Variants in CNTN4 observed in about 807,000 individuals in gnomAD.
CNTN4 encodes contactin 4, also known as contactin-4.
Under a neutral mutation model 122.5 loss-of-function variants are expected in CNTN4, and 77 were observed. The observed-to-expected ratio is 0.63, with a 90% CI of 0.52 to 0.76. The LOEUF is 0.76. Ranked by LOEUF, CNTN4 falls within the 30% of genes least tolerant of loss-of-function variation. CNTN4 has a pLI of 0.00. For synonymous variants in CNTN4, 512 were observed against 447.0 expected (o/e 1.15, Z -1.83); for missense variants, 1,256 against 1,259.1 (o/e 1.00, Z 0.04).
At position 2,622,593 on chromosome 3, in the gene CNTN4, A is replaced by G. The variant is rs115328961; in HGVS notation, c.55+51035A>G. Reference sequence around the variant, plus strand: ...GCTCAGCTGGACAAGCAAGTTTTGAAGCAGAGGAGTTGTCTGCAAAATCTG... The same window carrying G: ...GCTCAGCTGGACAAGCAAGTTTTGAGGCAGAGGAGTTGTCTGCAAAATCTG... On this transcript the variant is annotated intron_variant, in intron 4 of 24. Transcript: ENST00000418658. Among the ~76,000 whole-genome samples the G allele has an allele frequency of 2.7e-3, 415 of 152,298 alleles. 1 individual carries two copies. Among genetic ancestry groups the G allele is most frequent in the Non-Finnish European group, 5.0e-3 (338 of 68,026 alleles).
At chr3:2,888,685 TG>T (rs1397215335) in intron 10 of CNTN4, among the ~76,000 whole-genome samples, 1 of 152,082 alleles carries the variant, frequency 6.6e-6, no homozygotes, top group Non-Finnish European at 1.5e-5. Flanking sequence ...TATAAATTCA[TG>T]GCTTCTGTGT....
At chr3:2,990,982 G>A (rs912935021) in intron 14 of CNTN4, among the ~76,000 whole-genome samples, 19 of 152,180 alleles carry the variant, frequency 1.2e-4, no homozygotes, top group Admixed American at 5.2e-4. Context: ...ATAAATTTAC[G>A]TAAAGAAGTG....
intron 4 of CNTN4, among the ~76,000 whole-genome samples, chr3:2,669,883 T>C (rs977797493): frequency 6.6e-6 from 1 of 152,222 alleles, no homozygotes; most frequent in African/African-American, 2.4e-5. Flanking sequence ...GTTGTTCAGT[T>C]TCCATGTAGT....
Position 2,178,011 on chromosome 3 carries a change from A to G in CNTN4, c.-145+77372A>G, listed in dbSNP as rs1340026499. On this transcript the variant is annotated intron_variant, in intron 2 of 24. Transcript: ENST00000418658. ...TATTCCTAAATTTGAATACCCTTCA[A>G]GCCCCAGCTCATTTCTCTCTTATTT... 5.3e-5 allele frequency among the ~76,000 whole-genome samples: 8 copies of G among 151,984 alleles called. No individual in the cohort carries two copies. The East Asian group carries it at 1.5e-3, about 29-fold the overall frequency.
At chr3:2,628,059 A>G (rs572040167) in intron 4 of CNTN4, among the ~76,000 whole-genome samples, 34 of 152,296 alleles carry the variant, frequency 2.2e-4, no homozygotes, top group African/African-American at 7.9e-4. Context: ...ACTGGCTTCT[A>G]TAGCTAGACA....
At chr3:2,928,440 C>G (rs895510825) in intron 13 of CNTN4, among the ~76,000 whole-genome samples, 4 of 152,148 alleles carry the variant, frequency 2.6e-5, no homozygotes, top group Non-Finnish European at 5.9e-5. Flanking sequence ...GTAGATGAAA[C>G]TGATGAGTAA....
chr3:2,797,732 C>T (rs749884785), intron 6 of CNTN4, among the ~76,000 whole-genome samples: 1 of 152,166 alleles, frequency 6.6e-6, no homozygotes, highest in Non-Finnish European at 1.5e-5. Context: ...TAGTTTTTAA[C>T]CTTTCACAAC....
intron 2 of CNTN4, among the ~76,000 whole-genome samples, chr3:2,302,178 C>T (rs2042550084): frequency 6.6e-6 from 1 of 152,278 alleles, no homozygotes; most frequent in East Asian, 1.9e-4. Context: ...TGCCTGTAAT[C>T]CCAGCACTAA....
intron 23 of CNTN4, among the ~76,000 whole-genome samples, chr3:3,052,531 G>A (rs1482901344): frequency 6.6e-6 from 1 of 152,124 alleles, no homozygotes; most frequent in East Asian, 1.9e-4. Context: ...TTTTGTCAGG[G>A]GAAACTACAG....
chr3:3,054,493 A>G lies in CNTN4; in HGVS notation c.2980+518A>G, dbSNP rs111524831. On this transcript the variant is annotated intron_variant, in intron 24 of 24. Transcript: ENST00000418658. ...TAGTCAAGATTATCTTCACTTTCAA[A>G]TGTTGTTGAATAGCATGGGAGAATA... Among the ~76,000 whole-genome samples, 1,209 of 152,348 alleles carry G rather than the reference A, an allele frequency of 7.9e-3. 12 individuals are homozygous for G. Among genetic ancestry groups the G allele is most frequent in the African/African-American group, 0.028 (1,153 of 41,588 alleles).
chr3:3,053,757 G>C lies in CNTN4; in HGVS notation c.2812-50G>C, dbSNP rs2305687. 6,566 of 1,586,398 alleles carry C rather than the reference G, an allele frequency of 4.1e-3. 155 individuals carry two copies. In the East Asian group the frequency reaches 0.071, roughly 17 times the overall value. On this transcript the variant is annotated intron_variant, in intron 23 of 24. Transcript: ENST00000418658. ...GAAAACAAATGAATGCTCCATATTT[G>C]GGACCTTTGTGAAGACGGCAGGTGA...
At chr3:2,441,446 G>A (rs1166114553) in intron 3 of CNTN4, among the ~76,000 whole-genome samples, 4 of 152,130 alleles carry the variant, frequency 2.6e-5, no homozygotes, top group East Asian at 1.9e-4. Context: ...ATCTGTCCCC[G>A]AAAGAGACTC....
intron 14 of CNTN4, among the ~76,000 whole-genome samples, chr3:2,998,343 G>A (rs1418321139): frequency 6.6e-6 from 1 of 152,168 alleles, no homozygotes; most frequent in Non-Finnish European, 1.5e-5. Context: ...TAGACCACAA[G>A]CATCAGAATC....
intron 3 of CNTN4, among the ~76,000 whole-genome samples, chr3:2,467,970 G>C (rs908911673): frequency 2.0e-5 from 3 of 152,096 alleles, no homozygotes; most frequent in African/African-American, 7.2e-5. Flanking sequence ...AGCCCAAAGA[G>C]AACTTCGTCA....
rs187289664 is a variant in CNTN4, at chr3:2,929,040, C to G, written c.1358+3261C>G. 2.0e-5 allele frequency among the ~76,000 whole-genome samples: 3 copies of G among 152,308 alleles called. No homozygotes were observed. The East Asian group carries it at 5.8e-4, about 29-fold the overall frequency. ...GCCTTATCTATGTTAATCCAAGCAT[C>G]TAAATGAAAGATTGAAAAGTCAAGT... On this transcript the variant is annotated intron_variant, in intron 13 of 24. Transcript: ENST00000418658.
At chr3:2,103,985 A>G (rs1397196251) in intron 2 of CNTN4, among the ~76,000 whole-genome samples, 1 of 152,072 alleles carries the variant, frequency 6.6e-6, no homozygotes, top group East Asian at 1.9e-4. Context: ...TTTCAACATT[A>G]AAGAGTGATT....
At chr3:2,818,538 A>T (rs2092791989) in intron 6 of CNTN4, among the ~76,000 whole-genome samples, 1 of 152,226 alleles carries the variant, frequency 6.6e-6, no homozygotes, top group Non-Finnish European at 1.5e-5. Context: ...AATGTTATTA[A>T]ATCAAATGTA....
chr3:2,822,614 C>T (rs533400584), intron 7 of CNTN4, among the ~76,000 whole-genome samples: 2 of 152,298 alleles, frequency 1.3e-5, no homozygotes, highest in Admixed American at 6.5e-5. Context: ...CATCACATGG[C>T]AGCAACCCTA....
At chr3:2,245,061 A>T (rs1408287085) in intron 2 of CNTN4, among the ~76,000 whole-genome samples, 3 of 152,014 alleles carry the variant, frequency 2.0e-5, no homozygotes, top group Admixed American at 2.0e-4. Context: ...GATACAATGG[A>T]TGGTTTAATG....
Sources: gnomAD v4.1 joint callset for allele counts (sites outside exome capture counted in the v4.1 genomes callset) on GRCh38, gnomAD v4.1.1 for gene constraint, MANE v1.5 for transcripts, NCBI Gene and HGNC (gene_info 2026-07-23, HGNC 2026-07-21) for gene names.